CAMTA1: variants seen among roughly 807,000 people sequenced by gnomAD.
The protein encoded by CAMTA1 is calmodulin binding transcription activator 1, also known as calmodulin-binding transcription activator 1.
CAMTA1 carries 27 observed loss-of-function variants against 170.9 expected under a neutral mutation model. The ratio of observed to expected loss-of-function variants is 0.16; its 90% CI spans 0.12 to 0.22. The LOEUF (loss-of-function observed/expected upper bound fraction) is 0.22, where lower values mean the gene tolerates loss of function less well. Ranked by LOEUF, CAMTA1 falls within the 10% of genes least tolerant of loss-of-function variation. The pLI is 1.00. For missense variants in CAMTA1, 1,619 were observed against 2,217.2 expected, an observed-to-expected ratio of 0.73 and a Z score of 5.42; for synonymous variants, 833 against 891.5, an observed-to-expected ratio of 0.93 and a Z score of 1.17.
At chr1:7,204,257 T>C (rs1019019329) in intron 4 of CAMTA1, among the ~76,000 whole-genome samples, 2 of 152,166 alleles carry the variant, frequency 1.3e-5, no homozygotes, top group African/African-American at 4.8e-5. Flanking sequence ...AGGTGGAATA[T>C]TAGGTTATTA....
intron 5 of CAMTA1, among the ~76,000 whole-genome samples, chr1:7,429,391 G>A (rs2092041051): frequency 6.6e-6 from 1 of 152,132 alleles, no homozygotes; most frequent in African/African-American, 2.4e-5. Context: ...GATGATGATG[G>A]TGATAACTAT....
chr1:7,769,523 T>C lies in CAMTA1; in HGVS notation c.*3032T>C, dbSNP rs1367813646. 6.5e-6 allele frequency: 1 copy of C among 152,820 alleles called. No homozygotes were observed. Among genetic ancestry groups the C allele is most frequent in the Non-Finnish European group, 1.5e-5 (1 of 68,046 alleles). The allele number at this position is 152,820 out of a possible 1,614,324, so 9.5% of individuals were successfully genotyped here. A position where few individuals can be genotyped will look rare whatever the true frequency, so the allele number is the denominator to read the frequency against. On this transcript the variant is annotated 3_prime_UTR_variant, in exon 23 of 23. Transcript: ENST00000303635. The stretch of plus-strand genomic sequence containing the variant: ...TAAAACTAGTCTAGATGTCTTCTTT[T>C]TTTGTAAGTTTTATTTTTGTAATTG...
At chr1:6,959,487 G>A (rs1469094424) in intron 3 of CAMTA1, among the ~76,000 whole-genome samples, 2 of 137,956 alleles carry the variant, frequency 1.4e-5, no homozygotes, top group South Asian at 2.6e-4. Context: ...GGTGCCTACC[G>A]GTGTACCGGG....
chr1:7,499,215 A>G lies in CAMTA1; in HGVS notation c.510+31314A>G, dbSNP rs375814790. Among the ~76,000 whole-genome samples the G allele has an allele frequency of 1.0e-3, 85 of 81,800 alleles. 3 individuals are homozygous for G. The highest frequency in any genetic ancestry group is 1.4e-3 in the South Asian group (3 of 2,138). 53.7% of individuals were successfully genotyped at this position (81,800 alleles called of 152,430 possible). ...AGAGGATGGTGTGATCCTGGTGTGC[A>G]TGTGTATGTATATGAGTGTGTGTGT... is the stretch of plus-strand genomic sequence containing the variant. On this transcript the variant is annotated intron_variant, in intron 6 of 22. Coordinates refer to ENST00000303635, the MANE Select transcript of CAMTA1 (RefSeq NM_015215.4).
intron 4 of CAMTA1, among the ~76,000 whole-genome samples, chr1:7,116,676 C>G (rs993383389): frequency 2.1e-5 from 3 of 140,854 alleles, no homozygotes; most frequent in African/African-American, 8.3e-5. Flanking sequence ...TTTATGGAGT[C>G]TCTCTCTGTC....
At chr1:7,746,948 A>G (rs2096861428) in intron 18 of CAMTA1, among the ~76,000 whole-genome samples, 2 of 152,096 alleles carry the variant, frequency 1.3e-5, no homozygotes, top group Non-Finnish European at 2.9e-5. Flanking sequence ...TGATTTTCCT[A>G]TTCTACCTTG....
In CAMTA1 at chr1:7,663,432, G is replaced by T. The variant is rs2095978476; in HGVS notation, c.885G>T (p.Gly295=). Residue 295 remains glycine (G), a synonymous_variant, in exon 9 of 23, where the codon GGG becomes GGT. Coordinates refer to ENST00000303635, the MANE Select transcript of CAMTA1 (RefSeq NM_015215.4). The part of the protein sequence containing the change: ...IISPKVEPRT[G]GYGSHSEVQH... ...CGCCCAAGGTGGAGCCACGGACAGG[G>T]GGGTACGGGAGCCACTCGGAGGTGC... 3 of 1,573,828 alleles carry T rather than the reference G, an allele frequency of 1.9e-6. No individual in the cohort carries two copies. The highest frequency in any genetic ancestry group is 1.3e-5 in the African/African-American group (1 of 74,472).
intron 7 of CAMTA1, among the ~76,000 whole-genome samples, chr1:7,650,920 G>T (rs961709143): frequency 1.3e-5 from 2 of 152,150 alleles, no homozygotes; most frequent in African/African-American, 4.8e-5. Flanking sequence ...AAACCAACCC[G>T]GCTGCCATTT....
chr1:7,480,452 AG>A (rs1321838518), intron 6 of CAMTA1, among the ~76,000 whole-genome samples: 1 of 151,520 alleles, frequency 6.6e-6, no homozygotes, highest in African/African-American at 2.4e-5. Flanking sequence ...CCTCGCCCCT[AG>A]TTCCCCTCTC....
At chr1:7,533,905 C>G (rs1409225526) in intron 6 of CAMTA1, among the ~76,000 whole-genome samples, 1 of 152,010 alleles carries the variant, frequency 6.6e-6, no homozygotes, top group Non-Finnish European at 1.5e-5. Flanking sequence ...CAGAGCGAGA[C>G]CTTGTCCCCC....
At chr1:7,356,785 C>T (rs2085147655) in intron 5 of CAMTA1, among the ~76,000 whole-genome samples, 2 of 152,232 alleles carry the variant, frequency 1.3e-5, no homozygotes, top group African/African-American at 4.8e-5. Context: ...AATCCTGCCT[C>T]TTCCATCTAC....
chr1:6,879,687 G>T (rs1259923815), intron 3 of CAMTA1, among the ~76,000 whole-genome samples: 1 of 150,082 alleles, frequency 6.7e-6, no homozygotes, highest in African/African-American at 2.5e-5. Context: ...GGAGTGCAGT[G>T]GCATAATCAT....
In CAMTA1 at chr1:7,533,497, T is replaced by G. The variant is rs2094514794; in HGVS notation, c.510+65596T>G. On this transcript the variant is annotated intron_variant, in intron 6 of 22. Transcript: ENST00000303635. ...GGGCTACTCCGAAGGGAGGTAGAGGTGGGGTGTCCCTGCAGCAGGAAGCAC... is the reference window on the plus strand; with the variant it reads ...GGGCTACTCCGAAGGGAGGTAGAGGGGGGGTGTCCCTGCAGCAGGAAGCAC... 2.0e-5 allele frequency among the ~76,000 whole-genome samples: 3 copies of G among 152,122 alleles called. No homozygotes were observed. The South Asian group carries it at 6.2e-4, about 31-fold the overall frequency.
chr1:7,294,287 G>T (rs920257470), intron 5 of CAMTA1, among the ~76,000 whole-genome samples: 11 of 152,094 alleles, frequency 7.2e-5, no homozygotes, highest in Admixed American at 3.9e-4. Context: ...TGTCAGGACT[G>T]GGGGGCTATG....
At chr1:7,367,928 C>T (rs1173811117) in intron 5 of CAMTA1, among the ~76,000 whole-genome samples, 3 of 151,554 alleles carry the variant, frequency 2.0e-5, no homozygotes, top group Non-Finnish European at 4.4e-5. Flanking sequence ...CTTATGGTTT[C>T]ACTGGGTGCA....
chr1:7,632,270 C>G (rs75545484), intron 6 of CAMTA1, among the ~76,000 whole-genome samples: 3,074 of 152,328 alleles, frequency 0.02, 89 homozygotes, highest in African/African-American at 0.069. Context: ...TCGCCCGTCT[C>G]CCTCCTATCC....
At chr1:7,632,790 G>A (rs543558895) in intron 6 of CAMTA1, among the ~76,000 whole-genome samples, 8 of 152,366 alleles carry the variant, frequency 5.3e-5, no homozygotes, top group East Asian at 3.9e-4. Flanking sequence ...AGTCCCCTCC[G>A]TGGGTCTCTG....
intron 3 of CAMTA1, among the ~76,000 whole-genome samples, chr1:6,898,335 C>T (rs1346014381): frequency 1.3e-5 from 2 of 152,110 alleles, no homozygotes; most frequent in African/African-American, 4.8e-5. Context: ...AGGCAGATCA[C>T]GAGGTCAGGA....
chr1:7,510,366 C>T (rs1369875721), intron 6 of CAMTA1, among the ~76,000 whole-genome samples: 1 of 145,522 alleles, frequency 6.9e-6, no homozygotes, highest in African/African-American at 2.5e-5. Flanking sequence ...TTGGAGGGTC[C>T]ATCCCACCTC....
Sources: allele counts gnomAD v4.1 joint callset (sites outside exome capture counted in the v4.1 genomes callset), GRCh38; gene constraint gnomAD v4.1.1; transcripts MANE v1.5; gene names NCBI Gene and HGNC (gene_info 2026-07-23, HGNC 2026-07-21).